Variants in SCGB1A1 observed in about 807,000 individuals in gnomAD.
SCGB1A1 encodes the protein secretoglobin family 1A member 1, also known as uteroglobin.
A neutral mutation model predicts 7.5 loss-of-function variants in SCGB1A1; 8 were observed. The observed-to-expected ratio is 1.07, with a 90% CI of 0.63 to 1.92. The LOEUF (loss-of-function observed/expected upper bound fraction) is 1.92. Among genes scored for constraint, SCGB1A1 ranks in the 30% most tolerant of loss-of-function variants. The pLI, the probability that SCGB1A1 is intolerant of heterozygous loss-of-function variation, is 0.00. For missense variants in SCGB1A1, 121 were observed against 112.7 expected (o/e 1.07, Z -0.33); for synonymous variants, 44 against 40.8 (o/e 1.08, Z -0.30).
At chr11:62,422,047 A>G (rs1937807810) in intron 1 of SCGB1A1, 174 bp from the exon 2 acceptor site, 2 of 461,772 alleles carry the variant, frequency 4.3e-6, no homozygotes, top group East Asian at 6.5e-5. Flanking sequence ...TCAACCCAAG[A>G]AGTCTAAGGA....
At chr11:62,419,397 A>G (rs1440119040) in intron 1 of SCGB1A1, among the ~76,000 whole-genome samples, 5 of 152,230 alleles carry the variant, frequency 3.3e-5, no homozygotes, top group Non-Finnish European at 7.3e-5. Flanking sequence ...TCAGAATCCC[A>G]GGGAATGGAA....
At position 62,420,929 on chromosome 11, in the gene SCGB1A1, C is replaced by T. The variant is rs895154003; in HGVS notation, c.56-1292C>T. On this transcript the variant is annotated intron_variant, in intron 1 of 2. Transcript: ENST00000278282. The stretch of plus-strand genomic sequence containing the variant: ...CAGCCTGGGCAATAGAGCGAGACTC[C>T]GTCTGAAAACAAATAAATAAATAAA... Among the ~76,000 whole-genome samples, 53 of 149,676 alleles carry T rather than the reference C, an allele frequency of 3.5e-4. 1 individual carries two copies. Among genetic ancestry groups the T allele is most frequent in the African/African-American group, 1.0e-3 (42 of 40,968 alleles).
chr11:62,420,399 C>T (rs1283480190), intron 1 of SCGB1A1, among the ~76,000 whole-genome samples: 3 of 150,188 alleles, frequency 2.0e-5, no homozygotes, highest in East Asian at 2.0e-4. Context: ...CTGCAACCTC[C>T]GCCTCCCGGG....
At chr11:62,419,234 T>A in intron 1 of SCGB1A1, 84 bp downstream of exon 1, 1 of 1,086,752 alleles carries the variant, frequency 9.2e-7, no homozygotes, top group Non-Finnish European at 1.2e-6. Flanking sequence ...AGGAGTGAGC[T>A]GCCCATTCCT....
chr11:62,420,254 CACTT>C (rs777399108), intron 1 of SCGB1A1, among the ~76,000 whole-genome samples: 92 of 151,834 alleles, frequency 6.1e-4, no homozygotes, highest in Non-Finnish European at 1.1e-3. Flanking sequence ...CAATATTTAA[CACTT>C]ACTTCACACA....
chr11:62,422,112 A>G (rs1937809694), intron 1 of SCGB1A1, 109 bp from the exon 2 acceptor site: 3 of 816,954 alleles, frequency 3.7e-6, no homozygotes, highest in South Asian at 4.5e-5. Context: ...AAAGGCTGCT[A>G]TCTCTCGCTG....
intron 1 of SCGB1A1, 76 bp downstream of exon 1, chr11:62,419,226 G>A (rs1937718690): frequency 4.2e-6 from 5 of 1,183,710 alleles, no homozygotes; most frequent in Non-Finnish European, 5.6e-6. Flanking sequence ...TCAGAAGAAG[G>A]AGTGAGCTGC....
At chr11:62,421,604 T>C (rs1195814805) in intron 1 of SCGB1A1, among the ~76,000 whole-genome samples, 9 of 152,116 alleles carry the variant, frequency 5.9e-5, no homozygotes, top group African/African-American at 2.2e-4. Context: ...TTCTGCTTCC[T>C]GGATTCAAGT....
At chr11:62,419,460 T>C (rs1055498801) in intron 1 of SCGB1A1, among the ~76,000 whole-genome samples, 2 of 152,054 alleles carry the variant, frequency 1.3e-5, no homozygotes, top group African/African-American at 4.8e-5. Flanking sequence ...ACATCCAGCA[T>C]AGGAATAATG....
intron 2 of SCGB1A1, among the ~76,000 whole-genome samples, chr11:62,422,637 C>T (rs546186562): frequency 3.4e-5 from 5 of 146,062 alleles, no homozygotes; most frequent in Admixed American, 1.4e-4. Flanking sequence ...TGCAATAGCA[C>T]GATCTTGGCT....
At chr11:62,422,954 C>A in intron 2 of SCGB1A1, 105 bp from the exon 3 acceptor site, 1 of 1,057,118 alleles carries the variant, frequency 9.5e-7, no homozygotes, top group Non-Finnish European at 1.5e-6. Flanking sequence ...TTGACTGCAC[C>A]TCTCGGTTAA....
At position 62,419,061 on chromosome 11, in the gene SCGB1A1, A is replaced by C; in HGVS notation, c.-35A>C. ...CTAGCCCACCAGACTCAGAGACGGAACCAGAGACGGGCCAGAGCATCCCCC... is the reference window on the plus strand; with the variant it reads ...CTAGCCCACCAGACTCAGAGACGGACCCAGAGACGGGCCAGAGCATCCCCC... On this transcript the variant is annotated 5_prime_UTR_variant, in exon 1 of 3. Coordinates refer to ENST00000278282, the MANE Select transcript of SCGB1A1 (RefSeq NM_003357.5). 6.4e-7 allele frequency: 1 copy of C among 1,560,056 alleles called. No individual in the cohort carries two copies.
Position 62,422,207 on chromosome 11 carries a change from C to T in SCGB1A1, c.56-14C>T, listed in dbSNP as rs1937812788. ...GGGCCTGGAGACATGTGCCTTCTCT[C>T]CTCTGTGTTGCAGCTTCTGCAGAGA... On this transcript the variant is annotated splice_polypyrimidine_tract_variant and intron_variant, in intron 1 of 2. Transcript: ENST00000278282. 9 of 1,597,462 alleles carry T rather than the reference C, an allele frequency of 5.6e-6. No individual in the cohort carries two copies. Among genetic ancestry groups the T allele is most frequent in the African/African-American group, 1.3e-5 (1 of 74,682 alleles).
Position 62,423,065 on chromosome 11 carries a change from A to C in SCGB1A1, c.250A>C (p.Ile84Leu). ...RESIIKLMEK[I>L]AQSSLCN is the part of the protein sequence containing the mutation. ...CTTTGTCTATTTGTTTTAGGAAAAA[A>C]TAGCCCAAAGCTCACTGTGTAATTA... The change falls in exon 3 of 3, where the codon ATA (isoleucine) becomes CTA (leucine). Residue 84 changes from isoleucine (I) to leucine (L), a missense_variant. By Grantham distance (5) the Ile-to-Leu change is conservative. Transcript: ENST00000278282. 6.2e-7 allele frequency: 1 copy of C among 1,614,084 alleles called. No homozygotes were observed. The highest frequency in any genetic ancestry group is 8.5e-7 in the Non-Finnish European group (1 of 1,179,954).
At chr11:62,419,430 A>T (rs1937723619) in intron 1 of SCGB1A1, among the ~76,000 whole-genome samples, 1 of 152,212 alleles carries the variant, frequency 6.6e-6, no homozygotes, top group Non-Finnish European at 1.5e-5. Flanking sequence ...AGGAGTGGAG[A>T]ATACCCCATA....
intron 1 of SCGB1A1, among the ~76,000 whole-genome samples, chr11:62,420,343 C>T (rs984854454): frequency 7.2e-6 from 1 of 138,844 alleles, no homozygotes; most frequent in Non-Finnish European, 1.5e-5. Flanking sequence ...GAGACAGAGT[C>T]TCGCTCTGTT....
intron 1 of SCGB1A1, among the ~76,000 whole-genome samples, chr11:62,420,250 T>G (rs1406442848): frequency 3.9e-5 from 6 of 152,090 alleles, no homozygotes; most frequent in Non-Finnish European, 8.8e-5. Flanking sequence ...CATACAATAT[T>G]TAACACTTAC....
chr11:62,419,185 C>G (rs374720964), intron 1 of SCGB1A1, 35 bp downstream of exon 1: 42 of 1,425,762 alleles, frequency 2.9e-5, no homozygotes, highest in Admixed American at 2.9e-4. Flanking sequence ...CCCTCCTGGA[C>G]TTAGGAACTC....
chr11:62,422,522 A>C, intron 2 of SCGB1A1, 114 bp downstream of exon 2: 1 of 793,084 alleles, frequency 1.3e-6, no homozygotes, highest in South Asian at 2.0e-5. Context: ...TCACAGTGCC[A>C]CTGTCCCCAG....
Sources: allele counts gnomAD v4.1 joint callset (sites outside exome capture counted in the v4.1 genomes callset), GRCh38; gene constraint gnomAD v4.1.1; transcripts MANE v1.5; gene names NCBI Gene and HGNC (gene_info 2026-07-23, HGNC 2026-07-21).